Variants in DAP observed in about 807,000 individuals in gnomAD.
DAP encodes the protein death associated protein.
A neutral mutation model predicts 13.8 loss-of-function variants in DAP; 8 were observed. That is an observed-to-expected ratio of 0.58 (90% CI 0.34 to 1.05). The LOEUF is 1.05. Ranked by LOEUF, DAP falls within the 50% of genes least tolerant of loss-of-function variation. The pLI, the probability that DAP is intolerant of heterozygous loss-of-function variation, is 0.03. For synonymous variants in DAP, 47 were observed against 47.5 expected, an observed-to-expected ratio of 0.99 and a Z score of 0.04; for missense variants, 106 against 133.2, an observed-to-expected ratio of 0.80 and a Z score of 1.01.
chr5:10,756,814 T>C (rs759012356), intron 1 of DAP, among the ~76,000 whole-genome samples: 21 of 152,232 alleles, frequency 1.4e-4, no homozygotes, highest in Non-Finnish European at 2.6e-4. Context: ...TTAGGTCCTC[T>C]TTTCTGCTGT....
intron 2 of DAP, among the ~76,000 whole-genome samples, chr5:10,684,988 C>G (rs1738120317): frequency 6.6e-6 from 1 of 152,194 alleles, no homozygotes; most frequent in African/African-American, 2.4e-5. Flanking sequence ...AGCTCACCAG[C>G]CTGTCTCTTC....
At chr5:10,696,335 G>A (rs1169307563) in intron 2 of DAP, among the ~76,000 whole-genome samples, 1 of 152,180 alleles carries the variant, frequency 6.6e-6, no homozygotes, top group African/African-American at 2.4e-5. Context: ...GGAATAGGGG[G>A]TGTGGCGGGG....
At chr5:10,749,349 T>C (rs1351164367) in intron 1 of DAP, among the ~76,000 whole-genome samples, 2 of 152,130 alleles carry the variant, frequency 1.3e-5, no homozygotes, top group Admixed American at 6.5e-5. Context: ...CCAGGCCACA[T>C]GGTGCCTCTG....
At chr5:10,760,140 A>C (rs1301956803) in intron 1 of DAP, among the ~76,000 whole-genome samples, 2 of 152,210 alleles carry the variant, frequency 1.3e-5, no homozygotes, top group Admixed American at 1.3e-4. Context: ...TACAAGACTG[A>C]GTTTATGACA....
At chr5:10,760,956 C>T in intron 1 of DAP, 58 bp downstream of exon 1, 1 of 1,131,298 alleles carries the variant, frequency 8.8e-7, no homozygotes, top group Non-Finnish European at 1.1e-6. Context: ...CCCGGCGCCC[C>T]CGGGTTCGAG....
chr5:10,692,329 A>G (rs1276064272), intron 2 of DAP, among the ~76,000 whole-genome samples: 1 of 152,198 alleles, frequency 6.6e-6, no homozygotes, highest in Admixed American at 6.5e-5. Flanking sequence ...AGAGGTGTAA[A>G]GCGATGCACT....
rs1738728671 is a variant in DAP, at chr5:10,707,556, T to TGACTTGCGATCAGTGTGGTGC, written c.153-23986_153-23985insGCACCACACTGATCGCAAGTC. ...TGGGTGCTGTGATGCAGGGGTGGTG[T>TGACTTGCGATCAGTGTGGTGC]GATTTGCGATCAGTGTGGTGCACAG... On this transcript the variant is annotated intron_variant, in intron 2 of 3. Coordinates refer to ENST00000230895, the MANE Select transcript of DAP (RefSeq NM_004394.3). The surrounding 1 kb of genome is among the most constrained non-coding windows in gnomAD (Gnocchi z 4.0). Among the ~76,000 whole-genome samples, 1 of 152,062 alleles carries TGACTTGCGATCAGTGTGGTGC rather than the reference T, an allele frequency of 6.6e-6. No individual in the cohort carries two copies. Among genetic ancestry groups the TGACTTGCGATCAGTGTGGTGC allele is most frequent in the African/African-American group, 2.4e-5 (1 of 41,394 alleles).
chr5:10,755,608 C>T (rs984670419), intron 1 of DAP, among the ~76,000 whole-genome samples: 2 of 152,180 alleles, frequency 1.3e-5, no homozygotes, highest in African/African-American at 4.8e-5. Context: ...AGACCCCACC[C>T]AGGAGAGAAA....
chr5:10,701,030 C>G (rs1445300302), intron 2 of DAP, among the ~76,000 whole-genome samples: 1 of 152,238 alleles, frequency 6.6e-6, no homozygotes, highest in Non-Finnish European at 1.5e-5. Flanking sequence ...GATGAACAAG[C>G]TGTCACCTTA....
intron 2 of DAP, among the ~76,000 whole-genome samples, chr5:10,711,220 A>G (rs1738843392): frequency 1.3e-5 from 2 of 152,222 alleles, no homozygotes; most frequent in Admixed American, 6.5e-5. Context: ...AGACCTCGGG[A>G]TCAGCAGGGC....
At chr5:10,739,787 T>TCACTCACACACACACA (rs1739709887) in intron 2 of DAP, among the ~76,000 whole-genome samples, 1 of 148,506 alleles carries the variant, frequency 6.7e-6, no homozygotes, top group African/African-American at 2.5e-5. Flanking sequence ...CTAAATTAAC[T>TCACTCACACACACACA]CACACACACA....
chr5:10,711,414 CG>C (rs2126652097), intron 2 of DAP, among the ~76,000 whole-genome samples: 1 of 152,322 alleles, frequency 6.6e-6, no homozygotes, highest in South Asian at 2.1e-4. Flanking sequence ...GTGGTCTCAC[CG>C]GGGCGTAACT....
At chr5:10,729,089 T>C (rs752480543) in intron 2 of DAP, among the ~76,000 whole-genome samples, 1 of 152,194 alleles carries the variant, frequency 6.6e-6, no homozygotes, top group Non-Finnish European at 1.5e-5. Context: ...CGGAACTTAT[T>C]TAATATTGCA....
intron 2 of DAP, among the ~76,000 whole-genome samples, chr5:10,727,179 C>T (rs1739309531): frequency 6.6e-6 from 1 of 152,186 alleles, no homozygotes; most frequent in Admixed American, 6.5e-5. Context: ...ATGACATGTC[C>T]ATAGGAACTG....
At chr5:10,715,991 T>C (rs1332797129) in intron 2 of DAP, among the ~76,000 whole-genome samples, 1 of 152,214 alleles carries the variant, frequency 6.6e-6, no homozygotes, top group Admixed American at 6.5e-5. Context: ...AGGATGTGAG[T>C]ATCAACCCAG....
intron 2 of DAP, among the ~76,000 whole-genome samples, chr5:10,697,222 C>T (rs1206990001): frequency 6.6e-6 from 1 of 152,194 alleles, no homozygotes; most frequent in Non-Finnish European, 1.5e-5. Context: ...AGAAAGGCTC[C>T]TGGCACTGCC....
Position 10,679,359 on chromosome 5 carries a change from A to G in DAP, c.*1697T>C, listed in dbSNP as rs974866737. ...CACAGATGCATGCCACATCTAGCTA[A>G]AAGTACATAAAAAGCGCACCTCTGG... is the stretch of plus-strand genomic sequence containing the variant. On this transcript the variant is annotated 3_prime_UTR_variant, in exon 4 of 4. Coordinates refer to ENST00000230895, the MANE Select transcript of DAP (RefSeq NM_004394.3). The G allele has an allele frequency of 1.3e-5, 2 of 152,408 alleles. No homozygotes were observed. The highest frequency in any genetic ancestry group is 4.8e-5 in the African/African-American group (2 of 41,474). The allele number at this position is 152,408 out of a possible 1,614,324, so 9.4% of individuals were successfully genotyped here. A position where few individuals can be genotyped will look rare whatever the true frequency, so the allele number is the denominator to read the frequency against.
chr5:10,739,469 A>G (rs1264941560), intron 2 of DAP, among the ~76,000 whole-genome samples: 1 of 152,102 alleles, frequency 6.6e-6, no homozygotes, highest in African/African-American at 2.4e-5. Flanking sequence ...GTGAATTATA[A>G]TCACATGAGG....
chr5:10,733,574 C>T (rs1739527926), intron 2 of DAP, among the ~76,000 whole-genome samples: 1 of 152,098 alleles, frequency 6.6e-6, no homozygotes, highest in Non-Finnish European at 1.5e-5. Context: ...GGTAGAACAC[C>T]ACCCTTGATA....
Sources: allele counts gnomAD v4.1 joint callset (sites outside exome capture counted in the v4.1 genomes callset), GRCh38; gene constraint gnomAD v4.1.1; non-coding constraint Gnocchi (gnomAD v3.1); transcripts MANE v1.5; gene names NCBI Gene and HGNC (gene_info 2026-07-23, HGNC 2026-07-21).